TNS3: variants seen among roughly 807,000 people sequenced by gnomAD.
The protein encoded by TNS3 is tensin-3.
Under a neutral mutation model 140.9 loss-of-function variants are expected in TNS3, and 45 were observed. The ratio of observed to expected loss-of-function variants is 0.32; its 90% CI spans 0.25 to 0.41. The LOEUF (loss-of-function observed/expected upper bound fraction) is 0.41, where lower values mean the gene tolerates loss of function less well. TNS3 is among the 10% of genes least tolerant of loss of function. The pLI is 1.00. For missense variants in TNS3, 1,716 were observed against 1,906.7 expected (o/e 0.90, Z 1.86); for synonymous variants, 815 against 788.4 (o/e 1.03, Z -0.56).
intron 1 of TNS3, among the ~76,000 whole-genome samples, chr7:47,542,620 C>T (rs1261650741): frequency 2.0e-5 from 3 of 152,128 alleles, no homozygotes; most frequent in African/African-American, 4.8e-5. Context: ...TTTCTATGTG[C>T]CACCTAAAGC....
At chr7:47,485,934 G>A (rs998651400) in intron 3 of TNS3, among the ~76,000 whole-genome samples, 16 of 152,130 alleles carry the variant, frequency 1.1e-4, no homozygotes, top group African/African-American at 3.9e-4. Context: ...GTGTGGGTGA[G>A]CGTATGTGTG....
Position 47,465,282 on chromosome 7 carries a change from A to G in TNS3, c.-76+15821T>C, listed in dbSNP as rs143013525. ...CTATCACCCAGATGTCAACGGCTCA[A>G]TGCCACACAGGAGACTTGTGGGAAA... On this transcript the variant is annotated intron_variant, in intron 4 of 30. Coordinates refer to ENST00000311160, the MANE Select transcript of TNS3 (RefSeq NM_022748.12). Among the ~76,000 whole-genome samples, 11 of 152,348 alleles carry G rather than the reference A, an allele frequency of 7.2e-5. No homozygotes were observed. In the East Asian group the frequency reaches 1.5e-3, roughly 21 times the overall value.
chr7:47,529,933 T>C (rs1300598279), intron 1 of TNS3, among the ~76,000 whole-genome samples: 1 of 152,266 alleles, frequency 6.6e-6, no homozygotes. Flanking sequence ...TAATTAAATT[T>C]ATTTGAAAAG....
intron 4 of TNS3, among the ~76,000 whole-genome samples, chr7:47,447,058 C>CAATGGGCCATTTTGT (rs1485763309): frequency 3.6e-5 from 3 of 83,310 alleles, no homozygotes; most frequent in African/African-American, 6.6e-5. Flanking sequence ...CAAACTGGCC[C>CAATGGGCCATTTTGT]CATGGGCTCA....
At chr7:47,380,699 C>T (rs974506068) in intron 16 of TNS3, among the ~76,000 whole-genome samples, 1 of 152,086 alleles carries the variant, frequency 6.6e-6, no homozygotes, top group Non-Finnish European at 1.5e-5. Flanking sequence ...TGTAGCATTA[C>T]AGAAGCCACA....
At chr7:47,342,836 G>A (rs1377097128) in intron 20 of TNS3, among the ~76,000 whole-genome samples, 1 of 152,204 alleles carries the variant, frequency 6.6e-6, no homozygotes, top group African/African-American at 2.4e-5. Context: ...GCCCTTGGAG[G>A]AGTCTCACAA....
chr7:47,284,003 G>C, intron 27 of TNS3, 138 bp from the exon 28 acceptor site: 1 of 700,862 alleles, frequency 1.4e-6, no homozygotes, highest in Non-Finnish European at 2.1e-6. Context: ...GTGCATGTAA[G>C]GCAGATGGCC....
At chr7:47,361,855 G>A (rs114834133) in intron 17 of TNS3, among the ~76,000 whole-genome samples, 205 of 152,204 alleles carry the variant, frequency 1.3e-3, no homozygotes, top group African/African-American at 4.7e-3. Context: ...ATCACAGGGT[G>A]GAGGTTGATG....
At chr7:47,292,716 A>C in intron 26 of TNS3, 112 bp downstream of exon 26, 1 of 980,592 alleles carries the variant, frequency 1.0e-6, no homozygotes, top group East Asian at 2.6e-5. Context: ...AGAATACGAA[A>C]AAACTTCCAG....
intron 16 of TNS3, among the ~76,000 whole-genome samples, chr7:47,393,182 G>A (rs1006419612): frequency 3.3e-5 from 5 of 152,132 alleles, no homozygotes; most frequent in East Asian, 3.8e-4. Flanking sequence ...CACCAATGAC[G>A]AGTGCTTCAT....
intron 1 of TNS3, among the ~76,000 whole-genome samples, chr7:47,531,898 G>T (rs116374208): frequency 2.2e-4 from 34 of 152,186 alleles, no homozygotes; most frequent in Non-Finnish European, 3.8e-4. Context: ...CCCCCGGGGT[G>T]CAGCTGCAGC....
chr7:47,490,548 T>C (rs1312318678), intron 3 of TNS3, among the ~76,000 whole-genome samples: 2 of 152,260 alleles, frequency 1.3e-5, no homozygotes, highest in Non-Finnish European at 2.9e-5. Context: ...TGGTGGAATA[T>C]GGCAGAACTC....
intron 16 of TNS3, among the ~76,000 whole-genome samples, chr7:47,392,483 G>C (rs1339175453): frequency 2.6e-5 from 4 of 152,182 alleles, no homozygotes; most frequent in African/African-American, 9.7e-5. Context: ...AGGCGGCGGG[G>C]GGATAGAAAA....
chr7:47,334,419 A>G (rs1016767018), intron 20 of TNS3, among the ~76,000 whole-genome samples: 16 of 152,076 alleles, frequency 1.1e-4, no homozygotes, highest in South Asian at 1.0e-3. Flanking sequence ...TCTGAATACC[A>G]CTTGTAAAGC....
chr7:47,514,624 T>C (rs1023167043), intron 2 of TNS3, among the ~76,000 whole-genome samples: 4 of 152,094 alleles, frequency 2.6e-5, no homozygotes, highest in Admixed American at 6.6e-5. Flanking sequence ...CTTTAGGCCT[T>C]CCCTACAGCT....
chr7:47,323,850 A>T (rs1156972231), intron 20 of TNS3, among the ~76,000 whole-genome samples: 1 of 152,258 alleles, frequency 6.6e-6, no homozygotes, highest in Non-Finnish European at 1.5e-5. Flanking sequence ...TCAATAAATA[A>T]AGACAGAGTT....
intron 17 of TNS3, among the ~76,000 whole-genome samples, chr7:47,365,532 G>A (rs946579920): frequency 4.6e-5 from 7 of 152,104 alleles, no homozygotes; most frequent in African/African-American, 1.4e-4. Flanking sequence ...GGGAAGCCGA[G>A]GGGGGCGGAT....
chr7:47,413,142 C>T (rs1584601848), intron 12 of TNS3, among the ~76,000 whole-genome samples: 1 of 151,240 alleles, frequency 6.6e-6, no homozygotes, highest in Non-Finnish European at 1.5e-5. Flanking sequence ...TTAGTAGAGA[C>T]GGGATTTCAC....
intron 20 of TNS3, 101 bp downstream of exon 20, chr7:47,344,654 T>C: frequency 9.2e-7 from 1 of 1,088,830 alleles, no homozygotes; most frequent in Non-Finnish European, 1.3e-6. Context: ...ACGACACAAA[T>C]GGAAACATTT....
Sources: allele counts gnomAD v4.1 joint callset (sites outside exome capture counted in the v4.1 genomes callset), GRCh38; gene constraint gnomAD v4.1.1; transcripts MANE v1.5; gene names NCBI Gene and HGNC (gene_info 2026-07-23, HGNC 2026-07-21).